KCTD16: variants seen among roughly 807,000 people sequenced by gnomAD.
The protein encoded by KCTD16 is BTB/POZ domain-containing protein KCTD16.
In KCTD16, 13 loss-of-function variants were observed where a neutral mutation model predicts 33.2. The ratio of observed to expected loss-of-function variants is 0.39; its 90% CI spans 0.25 to 0.62. The LOEUF (loss-of-function observed/expected upper bound fraction) is 0.62, where lower values mean the gene tolerates loss of function less well. Ranked by LOEUF, KCTD16 falls within the 20% of genes least tolerant of loss-of-function variation. The pLI, the probability that KCTD16 is intolerant of heterozygous loss-of-function variation, is 0.50. For synonymous variants in KCTD16, 197 were observed against 195.3 expected (o/e 1.01, Z -0.07); for missense variants, 441 against 525.1 (o/e 0.84, Z 1.57).
At chr5:144,235,120 T>A (rs1220524961) in intron 3 of KCTD16, among the ~76,000 whole-genome samples, 1 of 152,152 alleles carries the variant, frequency 6.6e-6, no homozygotes. Flanking sequence ...TGGAATAAAA[T>A]GTTCTCAGCT....
chr5:144,268,683 A>G (rs961059039), intron 3 of KCTD16, among the ~76,000 whole-genome samples: 2 of 152,188 alleles, frequency 1.3e-5, no homozygotes, highest in Non-Finnish European at 2.9e-5. Context: ...AAAGATAATG[A>G]CAAGGCATCC....
intron 3 of KCTD16, among the ~76,000 whole-genome samples, chr5:144,315,787 A>G (rs1199936708): frequency 6.6e-6 from 1 of 152,188 alleles, no homozygotes; most frequent in Non-Finnish European, 1.5e-5. Context: ...ATTTAACTAG[A>G]TAAGGGCTGA....
At chr5:144,326,081 C>G (rs1257972981) in intron 3 of KCTD16, among the ~76,000 whole-genome samples, 1 of 152,046 alleles carries the variant, frequency 6.6e-6, no homozygotes, top group Non-Finnish European at 1.5e-5. Flanking sequence ...TGTAAAATGT[C>G]TTGTTTTCTC....
chr5:144,250,843 AT>A (rs1362664006), intron 3 of KCTD16, among the ~76,000 whole-genome samples: 1 of 152,196 alleles, frequency 6.6e-6, no homozygotes, highest in Non-Finnish European at 1.5e-5. Flanking sequence ...TATATGTATT[AT>A]TATGCATAAT....
intron 3 of KCTD16, among the ~76,000 whole-genome samples, chr5:144,258,212 AG>A (rs1374106359): frequency 2.0e-5 from 3 of 152,132 alleles, no homozygotes; most frequent in African/African-American, 7.2e-5. Flanking sequence ...ACATATTCTA[AG>A]TCTTTAGTGA....
At chr5:144,456,625 T>C (rs1754068974) in intron 3 of KCTD16, among the ~76,000 whole-genome samples, 1 of 152,224 alleles carries the variant, frequency 6.6e-6, no homozygotes, top group South Asian at 2.1e-4. Flanking sequence ...TATTATTCAT[T>C]TTGTTAATGC....
intron 3 of KCTD16, among the ~76,000 whole-genome samples, chr5:144,333,068 C>G (rs1347647743): frequency 6.6e-6 from 1 of 152,116 alleles, no homozygotes; most frequent in African/African-American, 2.4e-5. Flanking sequence ...ATTATGGGAG[C>G]TACAATTCGA....
chr5:144,347,523 A>G (rs1265207903), intron 3 of KCTD16, among the ~76,000 whole-genome samples: 1 of 152,094 alleles, frequency 6.6e-6, no homozygotes, highest in Non-Finnish European at 1.5e-5. Context: ...TGAACTGGGG[A>G]GGCGGAAGTT....
intron 3 of KCTD16, among the ~76,000 whole-genome samples, chr5:144,254,903 G>T (rs556728361): frequency 6.6e-6 from 1 of 152,044 alleles, no homozygotes; most frequent in African/African-American, 2.4e-5. Flanking sequence ...GGGACCACAG[G>T]TGTGCATGCA....
chr5:144,443,793 T>C (rs1284494476), intron 3 of KCTD16, among the ~76,000 whole-genome samples: 1 of 152,100 alleles, frequency 6.6e-6, no homozygotes, highest in African/African-American at 2.4e-5. Context: ...TTTTTTATTT[T>C]TTGAGGATCT....
chr5:144,373,731 T>C (rs1752020880), intron 3 of KCTD16, among the ~76,000 whole-genome samples: 1 of 152,248 alleles, frequency 6.6e-6, no homozygotes, highest in Non-Finnish European at 1.5e-5. Context: ...ATTCCAGATG[T>C]GAAGTTACTG....
At chr5:144,198,777 C>T (rs1752984467) in intron 2 of KCTD16, among the ~76,000 whole-genome samples, 1 of 152,130 alleles carries the variant, frequency 6.6e-6, no homozygotes, top group Non-Finnish European at 1.5e-5. Context: ...TATCAATCTC[C>T]AAGGGCAAAT....
intron 3 of KCTD16, among the ~76,000 whole-genome samples, chr5:144,316,427 C>T (rs1751914108): frequency 6.6e-6 from 1 of 151,936 alleles, no homozygotes; most frequent in Non-Finnish European, 1.5e-5. Context: ...TTCTATGCCT[C>T]AGCGGTATCT....
At chr5:144,249,606 T>C (rs1754642012) in intron 3 of KCTD16, among the ~76,000 whole-genome samples, 1 of 152,226 alleles carries the variant, frequency 6.6e-6, no homozygotes, top group South Asian at 2.1e-4. Flanking sequence ...AATTTAATAC[T>C]GTCTTTATGT....
At chr5:144,410,541 G>A (rs895098744) in intron 3 of KCTD16, among the ~76,000 whole-genome samples, 6 of 151,842 alleles carry the variant, frequency 4.0e-5, no homozygotes, top group African/African-American at 9.7e-5. Flanking sequence ...ATTTTCAAAC[G>A]TGCCAAGTTC....
intron 3 of KCTD16, among the ~76,000 whole-genome samples, chr5:144,419,714 G>A (rs73296054): frequency 0.054 from 8,158 of 152,092 alleles, 755 homozygotes; most frequent in African/African-American, 0.19. Flanking sequence ...TATTTAATGC[G>A]GTAGACACTG....
chr5:144,278,486 T>C (rs920407384), intron 3 of KCTD16, among the ~76,000 whole-genome samples: 5 of 64,988 alleles, frequency 7.7e-5, no homozygotes, highest in African/African-American at 3.6e-4. Context: ...GTTAGTCTTC[T>C]TTTTTTTTTT....
intron 2 of KCTD16, among the ~76,000 whole-genome samples, chr5:144,181,141 G>T (rs534709984): frequency 6.6e-6 from 1 of 151,778 alleles, no homozygotes; most frequent in African/African-American, 2.4e-5. Context: ...CACTGTGTTA[G>T]CCAGGATGGT....
chr5:144,313,839 A>C (rs1751834666), intron 3 of KCTD16, among the ~76,000 whole-genome samples: 1 of 152,200 alleles, frequency 6.6e-6, no homozygotes, highest in Admixed American at 6.6e-5. Flanking sequence ...TACTAGTATT[A>C]GTAGTAGTAA....
Sources: allele counts gnomAD v4.1 joint callset (sites outside exome capture counted in the v4.1 genomes callset), GRCh38; gene constraint gnomAD v4.1.1; transcripts MANE v1.5; gene names NCBI Gene and HGNC (gene_info 2026-07-23, HGNC 2026-07-21).